Variants in XPNPEP2 observed in about 807,000 individuals in gnomAD.
The protein encoded by XPNPEP2 is X-prolyl aminopeptidase 2.
A neutral mutation model predicts 59.8 loss-of-function variants in XPNPEP2; 64 were observed. The ratio of observed to expected loss-of-function variants is 1.07; its 90% confidence interval spans 0.87 to 1.32. The LOEUF is 1.32. XPNPEP2 is among the 40% of genes most tolerant of loss of function. The pLI, the probability that XPNPEP2 is intolerant of heterozygous loss-of-function variation, is 0.00. For synonymous variants in XPNPEP2, 235 were observed against 210.0 expected (o/e 1.12, Z -1.03); for missense variants, 575 against 546.8 (o/e 1.05, Z -0.51).
chrX:129,757,899 GAAAGAA>G (rs1569477265), intron 14 of XPNPEP2, among the ~76,000 whole-genome samples: 81 of 16,976 alleles, frequency 4.8e-3, no homozygotes, highest in African/African-American at 0.011. Context: ...GAGAGAGAAA[GAAAGAA>G]AGAAAGAAAG....
rs766943494 is a variant in XPNPEP2, at chrX:129,753,238, A to G, written c.1097A>G (p.Lys366Arg). Residue 366 changes from lysine (K) to arginine (R), a missense_variant, in exon 11 of 21, where the codon AAG becomes AGG. Physicochemically the swap from Lys to Arg is conservative, Grantham distance 26. Transcript: ENST00000371106. ...AACAGCAAGGAGCAGGCCCTCCTCAAGGCCAGCCACGTAAGTCCACGTTCA... is the reference window on the plus strand; with the variant it reads ...AACAGCAAGGAGCAGGCCCTCCTCAGGGCCAGCCACGTAAGTCCACGTTCA... Reference protein sequence around the residue: ...VKNSKEQALLKASHVRDAVAV... With the variant: ...VKNSKEQALLRASHVRDAVAV... The G allele has an allele frequency of 6.8e-5, 82 of 1,209,496 alleles. No individual in the cohort carries two copies. The highest frequency in any genetic ancestry group is 8.9e-5 in the Non-Finnish European group (80 of 894,530).
intron 8 of XPNPEP2, 126 bp downstream of exon 8, chrX:129,750,695 C>A (rs1926375973): frequency 1.8e-6 from 1 of 549,320 alleles, no homozygotes; most frequent in African/African-American, 2.3e-5. Context: ...CTTGAGAACT[C>A]CATGGCCACA....
chrX:129,746,060 T>TC (rs1926289941), intron 4 of XPNPEP2, among the ~76,000 whole-genome samples, 176 bp from the exon 5 acceptor site: 1 of 111,652 alleles, frequency 9.0e-6, no homozygotes, highest in Admixed American at 9.5e-5. Context: ...TTCTGCCAGC[T>TC]CCCCCCACAG....
intron 14 of XPNPEP2, among the ~76,000 whole-genome samples, chrX:129,757,023 T>TATATATAC (rs1491537516): frequency 1.3e-5 from 1 of 77,736 alleles, no homozygotes; most frequent in African/African-American, 6.7e-5. Context: ...TATATATATA[T>TATATATAC]ACACACACAC....
chrX:129,759,361 G>A (rs1325496476), intron 15 of XPNPEP2, 121 bp downstream of exon 15: 1 of 884,032 alleles, frequency 1.1e-6, no homozygotes, highest in Non-Finnish European at 1.6e-6. Context: ...GTTTGCCCAA[G>A]GTGACACCAC....
chrX:129,752,986 G>C (rs969053350), intron 10 of XPNPEP2, among the ~76,000 whole-genome samples, 173 bp from the exon 11 acceptor site: 12 of 112,300 alleles, frequency 1.1e-4, no homozygotes, highest in Admixed American at 3.8e-4. Context: ...AACTAGGAAA[G>C]ACAGAAAGCA....
In XPNPEP2 at chrX:129,758,103, G is replaced by A. The variant is rs183731417; in HGVS notation, c.1368-1077G>A. ...AAGCGTGGGGTGGGACAAAAGAAGG[G>A]CCGTACTGAACTGATGGAGGAGCAA... is the stretch of plus-strand genomic sequence containing the variant. On this transcript the variant is annotated intron_variant, in intron 14 of 20. Transcript: ENST00000371106. Among the ~76,000 whole-genome samples, 3 of 111,156 alleles carry A rather than the reference G, an allele frequency of 2.7e-5. No individual in the cohort carries two copies. In the East Asian group the frequency reaches 8.6e-4, roughly 32 times the overall value.
chrX:129,747,772 T>A lies in XPNPEP2; in HGVS notation c.637+19T>A, dbSNP rs766608959. ...TTCACAGGTGATTCAGTAAGCCCAG[T>A]TTCCTTCCCAACTTGTAGCAACGCA... On this transcript the variant is annotated intron_variant, in intron 7 of 20. Transcript: ENST00000371106. 14 of 1,211,904 alleles carry A rather than the reference T, an allele frequency of 1.2e-5. No individual in the cohort carries two copies. The South Asian group carries it at 2.5e-4, about 21-fold the overall frequency.
At chrX:129,745,162 T>C in intron 3 of XPNPEP2, 41 bp from the exon 4 acceptor site, 1 of 1,206,725 alleles carries the variant, frequency 8.3e-7, no homozygotes, top group Non-Finnish European at 1.1e-6. Context: ...TGGGATCTGA[T>C]ACCACGAAAA....
At position 129,752,359 on chromosome X, in the gene XPNPEP2, G is replaced by C. The variant is rs1926437439; in HGVS notation, c.1017+14G>C. On this transcript the variant is annotated intron_variant, in intron 10 of 20. Transcript: ENST00000371106. ...ATGATACCCAAGGTGGGTTTGCCAGGCCCCAGCCCAAGCCAGGCACCAATC... is the reference window on the plus strand; with the variant it reads ...ATGATACCCAAGGTGGGTTTGCCAGCCCCCAGCCCAAGCCAGGCACCAATC... 8.3e-7 allele frequency: 1 copy of C among 1,204,793 alleles called. No homozygotes were observed. Among genetic ancestry groups the C allele is most frequent in the African/African-American group, 1.8e-5 (1 of 57,012 alleles).
intron 19 of XPNPEP2, 123 bp from the exon 20 acceptor site, chrX:129,767,480 T>C (rs1011039742): frequency 1.2e-5 from 8 of 669,940 alleles, no homozygotes; most frequent in Non-Finnish European, 1.9e-5. Flanking sequence ...AGCCAGGGTG[T>C]CCAGGGTTGA....
rs747787926 is a variant in XPNPEP2, at chrX:129,742,698, T to C, written c.123+517T>C. On this transcript the variant is annotated intron_variant, in intron 2 of 20. Transcript: ENST00000371106. The stretch of plus-strand genomic sequence containing the variant: ...AGGTGGATCACCTGAGGTCAGGAGT[T>C]CGAGACCAGCCTGGGCAACATGGTG... Among the ~76,000 whole-genome samples the C allele has an allele frequency of 1.7e-4, 19 of 110,738 alleles. No individual in the cohort carries two copies. The Admixed American group carries it at 1.8e-3, about 11-fold the overall frequency.
In XPNPEP2 at chrX:129,746,674, G is replaced by A. The variant is rs768551632; in HGVS notation, c.483G>A (p.Leu161=). 2.4e-5 allele frequency: 29 copies of A among 1,208,143 alleles called. No individual in the cohort carries two copies. Among genetic ancestry groups the A allele is most frequent in the Non-Finnish European group, 2.2e-5 (20 of 892,960 alleles). Residue 161 remains leucine (L), a synonymous_variant, in exon 6 of 21, where the codon TTG becomes TTA. Coordinates refer to ENST00000371106, the MANE Select transcript of XPNPEP2 (RefSeq NM_003399.6). ...GTGTGGGTTTTGACCCCTTCCTCTT[G>A]TCCATTGGTATGCTCTTCCTTCAGT... is the stretch of plus-strand genomic sequence containing the variant. ...GGRVGFDPFL[L]SIDTWESYDL... is the part of the protein sequence containing the mutation.
intron 1 of XPNPEP2, among the ~76,000 whole-genome samples, chrX:129,741,179 G>T (rs1330795525): frequency 3.0e-5 from 3 of 101,043 alleles, no homozygotes; most frequent in Non-Finnish European, 6.0e-5. Context: ...TATTGGGGGG[G>T]GGTCACTCTC....
intron 14 of XPNPEP2, among the ~76,000 whole-genome samples, chrX:129,757,063 T>TACAC (rs745496024): frequency 4.8e-4 from 41 of 84,850 alleles, no homozygotes; most frequent in East Asian, 4.3e-3. Flanking sequence ...CACATATATA[T>TACAC]ACACACACAT....
rs763290060 is a variant in XPNPEP2 at position 129,747,623 on chromosome X, T to C, written c.507T>C (p.Tyr169=). 37 of 1,210,403 alleles carry C rather than the reference T, an allele frequency of 3.1e-5. No homozygotes were observed. Among genetic ancestry groups the C allele is most frequent in the Non-Finnish European group, 3.7e-5 (33 of 895,374 alleles). Reference sequence around the variant, plus strand: ...TCTCTGCAGACACCTGGGAGAGTTATGATCTGGCCCTCCAAGGCTCTAACA... The same window carrying C: ...TCTCTGCAGACACCTGGGAGAGTTACGATCTGGCCCTCCAAGGCTCTAACA... ...FLLSIDTWES[Y]DLALQGSNRQ... is the part of the protein sequence containing the mutation. The change falls in exon 7 of 21, where the codon TAT becomes TAC. Residue 169 remains tyrosine, a synonymous_variant. Transcript: ENST00000371106.
chrX:129,768,760 C>T lies in XPNPEP2; in HGVS notation c.*275C>T, dbSNP rs969293915. 2 of 252,492 alleles carry T rather than the reference C, an allele frequency of 7.9e-6. No homozygotes were observed. Among genetic ancestry groups the T allele is most frequent in the African/African-American group, 5.7e-5 (2 of 35,152 alleles). The allele number at this position is 252,492 out of a possible 1,213,427, so 20.8% of individuals were successfully genotyped here. A position where few individuals can be genotyped will look rare whatever the true frequency, so the allele number is the denominator to read the frequency against. On this transcript the variant is annotated 3_prime_UTR_variant, in exon 21 of 21. Coordinates refer to ENST00000371106, the MANE Select transcript of XPNPEP2 (RefSeq NM_003399.6). ...CCCCGAGATAGGAAAGCCAGCTAGT[C>T]TCTTCTCTTCTGTGATCTCAGTAGG...
chrX:129,756,751 G>A (rs1489067815), intron 14 of XPNPEP2, among the ~76,000 whole-genome samples, 196 bp downstream of exon 14: 3 of 110,327 alleles, frequency 2.7e-5, no homozygotes, highest in Non-Finnish European at 3.8e-5. Flanking sequence ...ACAGAGGCTG[G>A]AATAGTGGCA....
chrX:129,757,954 AG>A (rs1926585020), intron 14 of XPNPEP2, among the ~76,000 whole-genome samples: 1 of 103,364 alleles, frequency 9.7e-6, no homozygotes, highest in East Asian at 3.0e-4. Flanking sequence ...AAAGAAAGAA[AG>A]AAAGAAAAAG....
Sources: gnomAD v4.1 joint callset for allele counts (sites outside exome capture counted in the v4.1 genomes callset) on GRCh38, gnomAD v4.1.1 for gene constraint, MANE v1.5 for transcripts, NCBI Gene and HGNC (gene_info 2026-07-23, HGNC 2026-07-21) for gene names.